The following SLC11A2 variants were observed in gnomAD, a reference collection of about 807,000 sequenced individuals.
SLC11A2 encodes solute carrier family 11 member 2.
SLC11A2 carries 38 observed loss-of-function variants against 68.0 expected under a neutral mutation model. That is an observed-to-expected ratio of 0.56 (90% CI 0.43 to 0.73). The LOEUF is 0.73. Among genes scored for constraint, SLC11A2 ranks in the 30% least tolerant of loss-of-function variants. SLC11A2 has a pLI of 0.00. For synonymous variants in SLC11A2, 242 were observed against 250.6 expected (o/e 0.97, Z 0.32); for missense variants, 517 against 690.5 (o/e 0.75, Z 2.82).
chr12:51,021,492 T>G (rs931616380), intron 1 of SLC11A2, among the ~76,000 whole-genome samples: 3 of 152,056 alleles, frequency 2.0e-5, no homozygotes, highest in Non-Finnish European at 4.4e-5. Context: ...CAGGCAGTAG[T>G]GGCACGTGCC....
intron 1 of SLC11A2, among the ~76,000 whole-genome samples, chr12:51,021,600 C>T (rs1049108012): frequency 1.3e-5 from 2 of 150,390 alleles, no homozygotes; most frequent in African/African-American, 4.9e-5. Flanking sequence ...GCTCTCCAGC[C>T]TGGGTGACAT....
In SLC11A2 at chr12:50,994,745, T is replaced by C. The variant is rs1019253407; in HGVS notation, c.991-115A>G. On this transcript the variant is annotated intron_variant, in intron 10 of 15. Transcript: ENST00000262052. ...AAGAGGTAGGCTGGAGGGAAAACAC[T>C]GGACATATGCTGTGATGTGGGCAGA... is the stretch of plus-strand genomic sequence containing the variant. 4.9e-5 allele frequency: 36 copies of C among 730,838 alleles called. No homozygotes were observed. The Admixed American group carries it at 6.4e-4, about 13-fold the overall frequency. The allele number at this position is 730,838 out of a possible 1,614,324, so 45.3% of individuals were successfully genotyped here. A position where few individuals can be genotyped will look rare whatever the true frequency, so the allele number is the denominator to read the frequency against.
the SLC11A2 span, among the ~76,000 whole-genome samples, chr12:50,972,588 T>C: frequency 6.6e-6 from 1 of 152,202 alleles, no homozygotes; most frequent in Admixed American, 6.5e-5. Flanking sequence ...GGGTGATTTC[T>C]CCATTTCCAA....
At chr12:51,011,285 C>A (rs963538483) in intron 1 of SLC11A2, among the ~76,000 whole-genome samples, 2 of 151,650 alleles carry the variant, frequency 1.3e-5, no homozygotes, top group African/African-American at 4.8e-5. Context: ...CCCGCCACCA[C>A]GCCCAGCCAA....
chr12:50,981,702 T>G (rs1427195381), downstream of SLC11A2: 2 of 1,476,576 alleles, frequency 1.4e-6, no homozygotes, highest in Non-Finnish European at 1.8e-6. Flanking sequence ...AAACATGTTC[T>G]TATAGAGTCT....
chr12:51,009,122 T>G lies in SLC11A2; in HGVS notation c.35-498A>C, dbSNP rs445520. ...CTATATTTGGTAGGACTTACTCAAA[T>G]AATCGACCGTGGACATTATACCTCC... On this transcript the variant is annotated intron_variant, in intron 2 of 15. Coordinates refer to ENST00000262052, the MANE Select transcript of SLC11A2 (RefSeq NM_000617.3). 0.93 allele frequency: 1,409,292 copies of G among 1,509,662 alleles called. 658,727 individuals are homozygous for G. The highest frequency in any genetic ancestry group is 0.98 in the East Asian group (39,942 of 40,594). 93.5% of individuals were successfully genotyped at this position (1,509,662 alleles called of 1,614,324 possible).
the SLC11A2 span, among the ~76,000 whole-genome samples, chr12:50,967,123 AAAAAG>A: frequency 6.6e-6 from 1 of 151,826 alleles, no homozygotes; most frequent in African/African-American, 2.4e-5. Context: ...CAAAAAAAAA[AAAAAG>A]AAAGAGAAAT....
rs961432580 is a variant in SLC11A2, at chr12:50,988,124, T to C, written c.*201A>G. 1.1e-5 allele frequency: 16 copies of C among 1,497,370 alleles called. No individual in the cohort carries two copies. The highest frequency in any genetic ancestry group is 8.3e-5 in the African/African-American group (6 of 72,052). 92.8% of individuals were successfully genotyped at this position (1,497,370 alleles called of 1,614,324 possible). ...TGTCAGCTTTTCAAAGATCCCACCC[T>C]AATCCAGTTCTAAGGTTAGGTCAGG... is the stretch of plus-strand genomic sequence containing the variant. On this transcript the variant is annotated 3_prime_UTR_variant, in exon 16 of 16. Transcript: ENST00000262052.
chr12:50,984,934 T>G (rs1289936156), downstream of SLC11A2, among the ~76,000 whole-genome samples: 1 of 152,184 alleles, frequency 6.6e-6, no homozygotes, highest in Non-Finnish European at 1.5e-5. Context: ...AGTTTGGGAA[T>G]GAAAACATGG....
At chr12:51,020,224 C>CTT (rs553339563) in intron 1 of SLC11A2, among the ~76,000 whole-genome samples, 15 of 137,524 alleles carry the variant, frequency 1.1e-4, no homozygotes, top group South Asian at 7.0e-4. Flanking sequence ...CCACAGCTGG[C>CTT]TTTTTTTTTT....
At chr12:50,973,451 TAACA>T in the SLC11A2 span, among the ~76,000 whole-genome samples, 2 of 152,002 alleles carry the variant, frequency 1.3e-5, no homozygotes, top group South Asian at 2.1e-4. Flanking sequence ...GAAGGAAAAC[TAACA>T]AACAGAGAGG....
At chr12:50,975,936 A>T (rs1460809465), downstream of SLC11A2, among the ~76,000 whole-genome samples, 2 of 152,182 alleles carry the variant, frequency 1.3e-5, no homozygotes, top group Admixed American at 6.5e-5. Context: ...CCCAAGACTA[A>T]ACCAGGAAGA....
At chr12:51,028,304 T>C (rs780963607), upstream of SLC11A2, 5 of 1,148,760 alleles carry the variant, frequency 4.4e-6, no homozygotes, top group Admixed American at 2.0e-5. Flanking sequence ...CTCAGTTAGA[T>C]AAAGGGCACT....
At chr12:50,994,878 C>CT (rs1941552644) in intron 10 of SLC11A2, 2 of 489,560 alleles carry the variant, frequency 4.1e-6, no homozygotes, top group East Asian at 3.9e-5. Context: ...TGTACAAACG[C>CT]TGGGGTACTT....
chr12:51,000,624 G>A (rs1045442583), intron 5 of SLC11A2: 15 of 606,328 alleles, frequency 2.5e-5, no homozygotes, highest in East Asian at 5.5e-5. Flanking sequence ...GTGCTACCAC[G>A]TGGCAGAACC....
At chr12:51,016,871 A>G (rs1423191071) in intron 1 of SLC11A2, among the ~76,000 whole-genome samples, 1 of 91,852 alleles carries the variant, frequency 1.1e-5, no homozygotes, top group African/African-American at 3.7e-5. Flanking sequence ...AAAAAAAAAA[A>G]TTAGTTGGGT....
chr12:50,978,663 T>A (rs1014306879), downstream of SLC11A2, among the ~76,000 whole-genome samples: 1 of 151,708 alleles, frequency 6.6e-6, no homozygotes, highest in African/African-American at 2.4e-5. Context: ...AAATGTAAAA[T>A]CACATTTGAA....
chr12:50,994,143 C>T (rs1941476200), intron 11 of SLC11A2, among the ~76,000 whole-genome samples: 1 of 151,554 alleles, frequency 6.6e-6, no homozygotes, highest in Non-Finnish European at 1.5e-5. Flanking sequence ...CAGGTTCAAG[C>T]GATTCTCGTG....
chr12:51,005,797 T>C, intron 3 of SLC11A2: 1 of 744,810 alleles, frequency 1.3e-6, no homozygotes, highest in Non-Finnish European at 2.0e-6. Flanking sequence ...GTGCCTATAG[T>C]CCAACTACTT....
Sources: gnomAD v4.1 joint callset for allele counts (sites outside exome capture counted in the v4.1 genomes callset) on GRCh38, gnomAD v4.1.1 for gene constraint, MANE v1.5 for transcripts, NCBI Gene and HGNC (gene_info 2026-07-23, HGNC 2026-07-21) for gene names.